TSNAXIP1: variants seen among roughly 807,000 people sequenced by gnomAD.
TSNAXIP1 encodes the protein translin associated factor X interacting protein 1, also known as translin-associated factor X-interacting protein 1.
Under a neutral mutation model 84.8 loss-of-function variants are expected in TSNAXIP1, and 89 were observed. The ratio of observed to expected loss-of-function variants is 1.05; its 90% CI spans 0.88 to 1.25. The LOEUF (loss-of-function observed/expected upper bound fraction) is 1.25. TSNAXIP1 is among the 50% of genes most tolerant of loss of function. The probability of loss-of-function intolerance (pLI) is 0.00; values close to 1 mark genes in which losing one functional copy is unlikely to be tolerated. For synonymous variants in TSNAXIP1, 347 were observed against 335.2 expected, an observed-to-expected ratio of 1.04 and a Z score of -0.39; for missense variants, 874 against 887.6, an observed-to-expected ratio of 0.98 and a Z score of 0.20.
At chr16:67,818,729 A>T (rs976257343) in intron 2 of TSNAXIP1, among the ~76,000 whole-genome samples, 1 of 146,210 alleles carries the variant, frequency 6.8e-6, no homozygotes, top group African/African-American at 2.5e-5. Flanking sequence ...TTTGAGACAG[A>T]GTCTCTCTCT....
chr16:67,827,669 A>G, intron 15 of TSNAXIP1, 84 bp from the exon 16 acceptor site: 1 of 1,609,546 alleles, frequency 6.2e-7, no homozygotes, highest in Non-Finnish European at 8.5e-7. Context: ...TCCACTGCTC[A>G]GCCCAGCACA....
chr16:67,808,632 G>A (rs926918966), intron 1 of TSNAXIP1, among the ~76,000 whole-genome samples: 1 of 151,956 alleles, frequency 6.6e-6, no homozygotes, highest in African/African-American at 2.4e-5. Flanking sequence ...CAGCTACTTG[G>A]GAGGCTGAGG....
At position 67,827,899 on chromosome 16, in the gene TSNAXIP1, A is replaced by C. The variant is rs1434999840; in HGVS notation, c.2045A>C (p.Glu682Ala). 1.2e-6 allele frequency: 2 copies of C among 1,614,090 alleles called. No homozygotes were observed. Among genetic ancestry groups the C allele is most frequent in the African/African-American group, 2.7e-5 (2 of 75,048 alleles). Residue 682 changes from glutamate to alanine, a missense_variant, in exon 16 of 16, where the codon GAA (glutamate) becomes GCA (alanine). Transcript: ENST00000561639. ...EMPEEGDEKEEAVVEILQTAL... is the reference protein window; with the variant it reads ...EMPEEGDEKEAAVVEILQTAL... ...CCAGAGGAGGGTGACGAGAAGGAAGAAGCCGTGGTGGAAATCCTCCAGACT... is the reference window on the plus strand; with the variant it reads ...CCAGAGGAGGGTGACGAGAAGGAAGCAGCCGTGGTGGAAATCCTCCAGACT...
At chr16:67,816,881 T>C (rs911926402) in intron 2 of TSNAXIP1, among the ~76,000 whole-genome samples, 1 of 151,658 alleles carries the variant, frequency 6.6e-6, no homozygotes, top group African/African-American at 2.4e-5. Flanking sequence ...CACTCGCCTC[T>C]GCAAGCAAAG....
At chr16:67,816,827 T>C in intron 2 of TSNAXIP1, among the ~76,000 whole-genome samples, 1 of 151,952 alleles carries the variant, frequency 6.6e-6, no homozygotes. Context: ...CAGCTGTTAA[T>C]AACCTAGCCG....
chr16:67,825,801 A>ATGCAGGAGAAGACCAACAAGGATC lies in TSNAXIP1; in HGVS notation c.951_974dup (p.Lys320_Glu327dup). The ATGCAGGAGAAGACCAACAAGGATC allele has an allele frequency of 3.7e-6, 6 of 1,614,118 alleles. No homozygotes were observed. Among genetic ancestry groups the ATGCAGGAGAAGACCAACAAGGATC allele is most frequent in the Non-Finnish European group, 4.2e-6 (5 of 1,179,988 alleles). ...TGTGGTCCCCAGGAGGGACTTTGAA[A>ATGCAGGAGAAGACCAACAAGGATC]TGCAGGAGAAGACCAACAAGGATCT... is the stretch of plus-strand genomic sequence containing the variant. On this transcript the variant is annotated inframe_insertion, in exon 8 of 16. Transcript: ENST00000561639.
intron 2 of TSNAXIP1, among the ~76,000 whole-genome samples, chr16:67,818,824 C>G (rs949458205): frequency 1.3e-5 from 2 of 151,846 alleles, no homozygotes; most frequent in African/African-American, 2.4e-5. Flanking sequence ...CTGCCTCGGC[C>G]TCCGAAATAG....
intron 5 of TSNAXIP1, among the ~76,000 whole-genome samples, chr16:67,824,005 C>G (rs1367062468): frequency 1.2e-5 from 1 of 84,996 alleles, no homozygotes. Context: ...GGCAAAAGAA[C>G]AAGACTCCAT....
Position 67,826,448 on chromosome 16 carries a change from A to C in TSNAXIP1, c.1287A>C (p.Glu429Asp), listed in dbSNP as rs1236301860. The change falls in exon 11 of 16, where the codon GAA becomes GAC. Residue 429 changes from glutamate to aspartate, a missense_variant. Coordinates refer to ENST00000561639, the MANE Select transcript of TSNAXIP1 (RefSeq NM_001288990.3). ...ATCCTCCCTCCTAGGGCTATGGGGA[A>C]GCCATCCCTGCTTTTCTTCGGTTTG... is the stretch of plus-strand genomic sequence containing the variant. The part of the protein sequence containing the change: ...KDFFPGLGYG[E>D]AIPAFLRFDG... The C allele has an allele frequency of 6.2e-7, 1 of 1,613,780 alleles. No homozygotes were observed. The highest frequency in any genetic ancestry group is 1.7e-5 in the Admixed American group (1 of 60,024).
At position 67,820,847 on chromosome 16, in the gene TSNAXIP1, G is replaced by A; in HGVS notation, c.156G>A (p.Gln52=). ...LLQKRRTLTG[Q]FSMGGHLSPW... is the part of the protein sequence containing the mutation. ...CCTGTACCTCCCTGCAGACTGGTCAGTTCTCCATGGGTGGGCACCTGTCCC... is the reference window on the plus strand; with the variant it reads ...CCTGTACCTCCCTGCAGACTGGTCAATTCTCCATGGGTGGGCACCTGTCCC... The change falls in exon 3 of 16, where the codon CAG becomes CAA. Residue 52 remains glutamine, a synonymous_variant. Coordinates refer to ENST00000561639, the MANE Select transcript of TSNAXIP1 (RefSeq NM_001288990.3). 1 of 1,550,092 alleles carries A rather than the reference G, an allele frequency of 6.5e-7. No homozygotes were observed. Among genetic ancestry groups the A allele is most frequent in the Non-Finnish European group, 8.7e-7 (1 of 1,150,256 alleles).
chr16:67,813,498 GC>G (rs1291164141), intron 1 of TSNAXIP1, among the ~76,000 whole-genome samples: 1 of 151,784 alleles, frequency 6.6e-6, no homozygotes, highest in Non-Finnish European at 1.5e-5. Context: ...ATTTTGGGAG[GC>G]CAAGGCAGGT....
chr16:67,819,645 C>A, intron 2 of TSNAXIP1, among the ~76,000 whole-genome samples: 1 of 132,468 alleles, frequency 7.5e-6, no homozygotes, highest in South Asian at 2.4e-4. Flanking sequence ...TGCTTTCCCT[C>A]TTTTTTTTTT....
At chr16:67,827,649 C>T (rs2057567721) in intron 15 of TSNAXIP1, 70 bp downstream of exon 15, 2 of 1,610,622 alleles carry the variant, frequency 1.2e-6, no homozygotes, top group South Asian at 2.2e-5. Flanking sequence ...TCCCTGTGCA[C>T]CATGCACCAT....
At chr16:67,823,149 C>A (rs1289587226) in intron 4 of TSNAXIP1, among the ~76,000 whole-genome samples, 1 of 152,200 alleles carries the variant, frequency 6.6e-6, no homozygotes, top group African/African-American at 2.4e-5. Context: ...AGCTGCCCCC[C>A]AGGCTCCGTG....
At chr16:67,813,659 G>A (rs1003271874) in intron 1 of TSNAXIP1, among the ~76,000 whole-genome samples, 6 of 146,390 alleles carry the variant, frequency 4.1e-5, no homozygotes, top group Non-Finnish European at 7.4e-5. Flanking sequence ...TTGAACCCGC[G>A]AGATGGAGGT....
rs201925347 is a variant in TSNAXIP1 at position 67,824,577 on chromosome 16, G to A, written c.482-6G>A. ...CAAAGCAGCTCTCCCACCTGTCTCT[G>A]CTTAGCCCACCAAAGGGAGAAGATT... On this transcript the variant is annotated splice_region_variant and splice_polypyrimidine_tract_variant and intron_variant, in intron 5 of 15. Transcript: ENST00000561639. 1.2e-5 allele frequency: 19 copies of A among 1,613,246 alleles called. No homozygotes were observed. The highest frequency in any genetic ancestry group is 8.3e-5 in the Admixed American group (5 of 59,898).
chr16:67,815,868 C>T (rs555057656), intron 2 of TSNAXIP1, among the ~76,000 whole-genome samples: 2 of 151,478 alleles, frequency 1.3e-5, no homozygotes, highest in South Asian at 2.1e-4. Context: ...GGCGCGATCT[C>T]GGCTCACTGC....
intron 1 of TSNAXIP1, among the ~76,000 whole-genome samples, chr16:67,813,731 C>CA (rs373627128): frequency 0.11 from 4,582 of 40,206 alleles, 461 homozygotes; most frequent in African/African-American, 0.25. Flanking sequence ...GACTCCGTCT[C>CA]AAAAAAAAAA....
rs780179609 is a variant in TSNAXIP1 at position 67,814,336 on chromosome 16, G to A, written c.82G>A (p.Glu28Lys). 5.9e-6 allele frequency: 9 copies of A among 1,535,982 alleles called. No individual in the cohort carries two copies. In the South Asian group the frequency reaches 5.9e-5, roughly 10 times the overall value. Residue 28 changes from glutamate to lysine, a missense_variant, in exon 2 of 16, where the codon GAA (glutamate) becomes AAA (lysine). Transcript: ENST00000561639. ...ACGGCCTTCAGGAGTGACCATAGAC[G>A]AATCCTTTCTCACAGAAGACAAGAG... ...QPRPSGVTID[E>K]SFLTEDKSTQ... is the part of the protein sequence containing the mutation.
Sources: gnomAD v4.1 joint callset for allele counts (sites outside exome capture counted in the v4.1 genomes callset) on GRCh38, gnomAD v4.1.1 for gene constraint, MANE v1.5 for transcripts, NCBI Gene and HGNC (gene_info 2026-07-23, HGNC 2026-07-21) for gene names.